The following MEGF11 variants were observed in gnomAD, a reference collection of about 807,000 sequenced individuals.
The protein encoded by MEGF11 is multiple epidermal growth factor-like domains protein 11.
In MEGF11, 126 loss-of-function variants were observed where a neutral mutation model predicts 146.6. The observed-to-expected ratio is 0.86, with a 90% confidence interval of 0.74 to 1.00. MEGF11 has a LOEUF of 1.00. Ranked by LOEUF, MEGF11 falls within the 50% of genes least tolerant of loss-of-function variation. MEGF11 has a pLI of 0.00. For missense variants in MEGF11, 1,509 were observed against 1,521.2 expected (o/e 0.99, Z 0.13); for synonymous variants, 532 against 583.4 (o/e 0.91, Z 1.27).
intron 5 of MEGF11, among the ~76,000 whole-genome samples, chr15:66,065,994 C>T (rs1375037366): frequency 6.6e-6 from 1 of 152,162 alleles, no homozygotes; most frequent in Non-Finnish European, 1.5e-5. Flanking sequence ...CCCAAGTTAA[C>T]AGGATTTGAG....
intron 19 of MEGF11, 106 bp downstream of exon 19, chr15:65,915,364 G>T: frequency 7.0e-7 from 1 of 1,420,874 alleles, no homozygotes; most frequent in South Asian, 1.4e-5. Context: ...TCACAAATGT[G>T]AATAAAGGGA....
chr15:66,000,373 T>A (rs1486749819), intron 5 of MEGF11, among the ~76,000 whole-genome samples: 4 of 152,074 alleles, frequency 2.6e-5, no homozygotes, highest in Non-Finnish European at 5.9e-5. Context: ...TACAAAAAAA[T>A]TTTTAAATAT....
chr15:66,164,812 T>C (rs1197606362), intron 1 of MEGF11, among the ~76,000 whole-genome samples: 1 of 152,212 alleles, frequency 6.6e-6, no homozygotes, highest in Non-Finnish European at 1.5e-5. Context: ...AAGCAGTACA[T>C]TTGTCTGACA....
chr15:66,249,471 C>A (rs1289796176), intron 1 of MEGF11, among the ~76,000 whole-genome samples: 3 of 152,140 alleles, frequency 2.0e-5, no homozygotes, highest in African/African-American at 7.2e-5. Context: ...AGTCTACATC[C>A]AATACACGAC....
chr15:66,068,930 C>T (rs1356970827), intron 5 of MEGF11, among the ~76,000 whole-genome samples: 1 of 152,216 alleles, frequency 6.6e-6, no homozygotes, highest in African/African-American at 2.4e-5. Context: ...CAAATTCACT[C>T]ATCAAACATG....
Position 65,986,165 on chromosome 15 carries a change from C to T in MEGF11, c.395-3677G>A, listed in dbSNP as rs953457643. On this transcript the variant is annotated intron_variant, in intron 5 of 25. Coordinates refer to ENST00000395614, the MANE Select transcript of MEGF11 (RefSeq NM_001385028.1). ...ACAGGGTTTCATCATGTTGGCCAGG[C>T]TGGTCTCGAACTCCTGATCTCAGGT... Among the ~76,000 whole-genome samples the T allele has an allele frequency of 2.6e-4, 40 of 151,956 alleles. 1 individual carries two copies. Among genetic ancestry groups the T allele is most frequent in the Admixed American group, 1.9e-3 (29 of 15,266 alleles).
intron 7 of MEGF11, among the ~76,000 whole-genome samples, chr15:65,979,761 T>C (rs538603958): frequency 4.6e-5 from 7 of 152,298 alleles, no homozygotes; most frequent in South Asian, 4.1e-4. Context: ...ACTTTGGACA[T>C]GCACAGCCTC....
chr15:66,021,595 T>C (rs2083135031), intron 5 of MEGF11, among the ~76,000 whole-genome samples: 1 of 152,240 alleles, frequency 6.6e-6, no homozygotes, highest in Non-Finnish European at 1.5e-5. Flanking sequence ...GGAAAAAGGC[T>C]GTGTCCCAGG....
At chr15:66,219,709 C>CAA (rs56665844) in intron 1 of MEGF11, among the ~76,000 whole-genome samples, 9,150 of 150,976 alleles carry the variant, frequency 0.061, 384 homozygotes, top group South Asian at 0.15. Flanking sequence ...AAAAACAAAA[C>CAA]AAAAAAAAAC....
chr15:66,020,216 G>A (rs1042634046), intron 5 of MEGF11, among the ~76,000 whole-genome samples: 1 of 152,228 alleles, frequency 6.6e-6, no homozygotes, highest in African/African-American at 2.4e-5. Flanking sequence ...TGGCCAATGG[G>A]ATTCAATCCT....
intron 1 of MEGF11, among the ~76,000 whole-genome samples, chr15:66,160,522 C>T (rs1039811388): frequency 2.6e-5 from 4 of 152,136 alleles, no homozygotes; most frequent in Non-Finnish European, 5.9e-5. Flanking sequence ...TTTACTTTTC[C>T]TGACTTGCAG....
At chr15:65,995,344 C>T (rs1040642216) in intron 5 of MEGF11, among the ~76,000 whole-genome samples, 1 of 152,234 alleles carries the variant, frequency 6.6e-6, no homozygotes, top group Non-Finnish European at 1.5e-5. Flanking sequence ...CTGAGCATGA[C>T]TCCTGTGATG....
intron 1 of MEGF11, among the ~76,000 whole-genome samples, chr15:66,186,987 C>T (rs897726096): frequency 6.6e-6 from 1 of 152,168 alleles, no homozygotes; most frequent in Non-Finnish European, 1.5e-5. Flanking sequence ...GCCTCAGGTG[C>T]ATTATTTAAC....
At chr15:65,939,571 G>A (rs112656860) in intron 10 of MEGF11, among the ~76,000 whole-genome samples, 3 of 149,392 alleles carry the variant, frequency 2.0e-5, no homozygotes, top group African/African-American at 7.4e-5. Flanking sequence ...CTCAGCTCAC[G>A]GTAACCTCCA....
At chr15:65,957,837 G>A in intron 9 of MEGF11, 116 bp from the exon 10 acceptor site, 2 of 899,398 alleles carry the variant, frequency 2.2e-6, no homozygotes, top group Non-Finnish European at 3.4e-6. Context: ...AGGACCTCTG[G>A]GATTAAATTG....
chr15:66,004,818 G>A (rs554074117), intron 5 of MEGF11, among the ~76,000 whole-genome samples: 8 of 152,224 alleles, frequency 5.3e-5, no homozygotes, highest in Middle Eastern at 3.4e-3. Context: ...CAGGGCTAGC[G>A]TATTTCTGCA....
At chr15:66,118,989 G>A (rs2087871671) in intron 4 of MEGF11, 97 bp downstream of exon 4, 4 of 805,880 alleles carry the variant, frequency 5.0e-6, no homozygotes, top group Non-Finnish European at 8.1e-6. Flanking sequence ...CTGCTGCCTA[G>A]GGGCCGTGGA....
At chr15:66,215,708 G>A (rs2091565578) in intron 1 of MEGF11, among the ~76,000 whole-genome samples, 2 of 152,132 alleles carry the variant, frequency 1.3e-5, no homozygotes, top group Non-Finnish European at 2.9e-5. Flanking sequence ...AAGACCAGTG[G>A]GTTGGGATAA....
rs774821123 is a variant in MEGF11, at chr15:65,930,895, A to G, written c.1336T>C (p.Cys446Arg). 2 of 1,611,794 alleles carry G rather than the reference A, an allele frequency of 1.2e-6. No homozygotes were observed. The highest frequency in any genetic ancestry group is 1.7e-6 in the Non-Finnish European group (2 of 1,178,748). ...TTGTTACAGCTACAGATGGACGAGC[A>G]GTTGGGGCCATAGGTCCCTGCTGCA... The part of the protein sequence containing the change: ...SCAAGTYGPN[C>R]SSICSCNNGG... The change falls in exon 11 of 26, where the codon TGC (cysteine) becomes CGC (arginine). Residue 446 changes from cysteine to arginine, a missense_variant. Transcript: ENST00000395614.
Sources: allele counts gnomAD v4.1 joint callset (sites outside exome capture counted in the v4.1 genomes callset), GRCh38; gene constraint gnomAD v4.1.1; transcripts MANE v1.5; gene names NCBI Gene and HGNC (gene_info 2026-07-23, HGNC 2026-07-21).